The following GPC5 variants were observed in gnomAD, a reference collection of about 807,000 sequenced individuals.
GPC5 encodes the protein glypican-5.
Under a neutral mutation model 53.9 loss-of-function variants are expected in GPC5, and 47 were observed. The ratio of observed to expected loss-of-function variants is 0.87; its 90% CI spans 0.69 to 1.11. GPC5 has a LOEUF of 1.11. Ranked by LOEUF, GPC5 falls within the 50% of genes most tolerant of loss-of-function variation. GPC5 has a pLI of 0.00. For synonymous variants in GPC5, 286 were observed against 263.3 expected, an observed-to-expected ratio of 1.09 and a Z score of -0.84; for missense variants, 748 against 713.1, an observed-to-expected ratio of 1.05 and a Z score of -0.56.
At chr13:91,571,741 A>ATG (rs2031791735) in intron 2 of GPC5, among the ~76,000 whole-genome samples, 3 of 124,802 alleles carry the variant, frequency 2.4e-5, no homozygotes, top group African/African-American at 3.5e-5. Flanking sequence ...ATATATATGT[A>ATG]TATATACACA....
chr13:92,004,489 T>TAA (rs1555303851), intron 6 of GPC5, among the ~76,000 whole-genome samples: 16 of 122,736 alleles, frequency 1.3e-4, no homozygotes, highest in African/African-American at 5.2e-4. Flanking sequence ...TATATATATA[T>TAA]AATTACACTA....
chr13:92,149,071 G>GTCA (rs1566457007), intron 7 of GPC5, among the ~76,000 whole-genome samples: 2,827 of 151,964 alleles, frequency 0.019, 81 homozygotes, highest in African/African-American at 0.063. Context: ...GGTAATCGAG[G>GTCA]GAAAATGCAT....
chr13:92,155,141 G>A (rs1395698788), intron 7 of GPC5, among the ~76,000 whole-genome samples: 1 of 151,866 alleles, frequency 6.6e-6, no homozygotes, highest in Non-Finnish European at 1.5e-5. Flanking sequence ...GGACTCATGG[G>A]GACAATATTT....
intron 6 of GPC5, among the ~76,000 whole-genome samples, chr13:91,978,873 G>T (rs1042183140): frequency 3.9e-5 from 6 of 152,152 alleles, no homozygotes; most frequent in African/African-American, 1.4e-4. Flanking sequence ...ATAAGATTAT[G>T]GCAGTAGAAA....
chr13:92,722,604 T>C (rs1353994502), intron 7 of GPC5, among the ~76,000 whole-genome samples: 1 of 151,816 alleles, frequency 6.6e-6, no homozygotes, highest in Non-Finnish European at 1.5e-5. Flanking sequence ...TTATCTTTTT[T>C]AAAAATTTTA....
intron 2 of GPC5, among the ~76,000 whole-genome samples, chr13:91,574,010 C>G (rs1320956905): frequency 6.6e-6 from 1 of 152,054 alleles, no homozygotes; most frequent in Non-Finnish European, 1.5e-5. Context: ...AAGAGAGCCT[C>G]AAAATTTGTA....
chr13:91,540,411 G>A (rs954858083), intron 2 of GPC5, among the ~76,000 whole-genome samples: 7 of 152,106 alleles, frequency 4.6e-5, no homozygotes, highest in African/African-American at 1.7e-4. Flanking sequence ...TATACAAGAG[G>A]CACATTTTTA....
At chr13:92,673,288 C>CTT (rs150927746) in intron 7 of GPC5, among the ~76,000 whole-genome samples, 3,603 of 144,924 alleles carry the variant, frequency 0.025, 60 homozygotes, top group Non-Finnish European at 0.038. Flanking sequence ...TTTTCTTTTT[C>CTT]TTTTTTTTTT....
chr13:92,825,947 T>C (rs1449461286), intron 7 of GPC5, among the ~76,000 whole-genome samples: 1 of 152,204 alleles, frequency 6.6e-6, no homozygotes, highest in Non-Finnish European at 1.5e-5. Flanking sequence ...GAATACATTT[T>C]TCATTTCTCA....
chr13:92,368,395 T>A (rs988217313), intron 7 of GPC5, among the ~76,000 whole-genome samples: 3 of 151,066 alleles, frequency 2.0e-5, no homozygotes, highest in Non-Finnish European at 4.4e-5. Flanking sequence ...TGTAATCCCA[T>A]CACTTTGGGA....
intron 7 of GPC5, among the ~76,000 whole-genome samples, chr13:92,441,755 C>T (rs74948479): frequency 6.6e-6 from 1 of 152,148 alleles, no homozygotes; most frequent in Non-Finnish European, 1.5e-5. Flanking sequence ...AATGGCCCTA[C>T]TTGCCTAGAA....
At chr13:92,005,795 C>T (rs2040601209) in intron 6 of GPC5, among the ~76,000 whole-genome samples, 1 of 152,084 alleles carries the variant, frequency 6.6e-6, no homozygotes, top group Non-Finnish European at 1.5e-5. Flanking sequence ...CCAGTTTTTC[C>T]ATTGAATGAA....
At chr13:92,685,609 T>A (rs1181332760) in intron 7 of GPC5, among the ~76,000 whole-genome samples, 1 of 127,304 alleles carries the variant, frequency 7.9e-6, no homozygotes, top group African/African-American at 3.1e-5. Context: ...ATGTGCACAT[T>A]GTGCAGGTTA....
At chr13:92,400,579 A>G (rs1875511215) in intron 7 of GPC5, among the ~76,000 whole-genome samples, 3 of 152,132 alleles carry the variant, frequency 2.0e-5, no homozygotes, top group African/African-American at 7.2e-5. Flanking sequence ...GCTTTTAAAG[A>G]TGTAACCTAA....
At chr13:91,890,728 T>G (rs1594644270) in intron 5 of GPC5, among the ~76,000 whole-genome samples, 1 of 152,204 alleles carries the variant, frequency 6.6e-6, no homozygotes, top group East Asian at 1.9e-4. Flanking sequence ...AAAGCAAAAT[T>G]AATGGTAATA....
intron 5 of GPC5, among the ~76,000 whole-genome samples, chr13:91,783,275 A>AATAC (rs1216506098): frequency 6.6e-6 from 1 of 152,042 alleles, no homozygotes; most frequent in African/African-American, 2.4e-5. Flanking sequence ...TAAATAAATA[A>AATAC]ATAAATACAA....
At chr13:92,393,582 G>A (rs1875124504) in intron 7 of GPC5, among the ~76,000 whole-genome samples, 1 of 152,202 alleles carries the variant, frequency 6.6e-6, no homozygotes, top group Non-Finnish European at 1.5e-5. Flanking sequence ...CGGGAAGGCG[G>A]AGGTTGCAGT....
chr13:91,968,751 T>G (rs9589383), intron 6 of GPC5, among the ~76,000 whole-genome samples: 4,470 of 151,288 alleles, frequency 0.03, 204 homozygotes, highest in African/African-American at 0.1. Flanking sequence ...CGTGAGCCAC[T>G]GCGCCCGGGC....
intron 7 of GPC5, among the ~76,000 whole-genome samples, chr13:92,673,579 A>C (rs2139209764): frequency 6.6e-6 from 1 of 152,196 alleles, no homozygotes; most frequent in South Asian, 2.1e-4. Flanking sequence ...AATTAGTCTT[A>C]ATTGTGTTCT....
Sources: gnomAD v4.1 joint callset for allele counts (sites outside exome capture counted in the v4.1 genomes callset) on GRCh38, gnomAD v4.1.1 for gene constraint, MANE v1.5 for transcripts, NCBI Gene and HGNC (gene_info 2026-07-23, HGNC 2026-07-21) for gene names.